The following CASS4 variants were observed in gnomAD, a reference collection of about 807,000 sequenced individuals.
CASS4 encodes the protein Cas scaffold protein family member 4.
Under a neutral mutation model 54.2 loss-of-function variants are expected in CASS4, and 22 were observed. The ratio of observed to expected loss-of-function variants is 0.41; its 90% confidence interval spans 0.29 to 0.58. CASS4 has a LOEUF of 0.58. Among genes scored for constraint, CASS4 ranks in the 20% least tolerant of loss-of-function variants. CASS4 has a pLI of 0.36. For missense variants in CASS4, 854 were observed against 986.7 expected (o/e 0.87, Z 1.80); for synonymous variants, 409 against 391.5 (o/e 1.04, Z -0.53).
chr20:56,451,021 A>T (rs746052282), intron 4 of CASS4, among the ~76,000 whole-genome samples: 4 of 56,122 alleles, frequency 7.1e-5, no homozygotes, highest in Non-Finnish European at 1.2e-4. Flanking sequence ...TACAAAAATT[A>T]AAAAAAAAAA....
chr20:56,455,583 A>G (rs1981252380), intron 5 of CASS4, among the ~76,000 whole-genome samples: 1 of 152,152 alleles, frequency 6.6e-6, no homozygotes, highest in African/African-American at 2.4e-5. Flanking sequence ...TAGGCCTTAG[A>G]CTAGTGGTTC....
In CASS4 at chr20:56,459,180, A is replaced by G. The variant is rs899255244; in HGVS notation, c.*433A>G. 1.4e-4 allele frequency: 24 copies of G among 167,822 alleles called. No homozygotes were observed. Among genetic ancestry groups the G allele is most frequent in the Admixed American group, 1.4e-3 (24 of 17,490 alleles). The allele number at this position is 167,822 out of a possible 1,614,324, so 10.4% of individuals were successfully genotyped here. A position where few individuals can be genotyped will look rare whatever the true frequency, so the allele number is the denominator to read the frequency against. On this transcript the variant is annotated 3_prime_UTR_variant, in exon 6 of 6. Transcript: ENST00000679887. ...ATTCTCCCGCCTCAGCCTCCAGAGT[A>G]GCTGGTACTACAGGTGTGCGCCACC...
At position 56,412,337 on chromosome 20, in the gene CASS4, A is replaced by G. The variant is rs939434833; in HGVS notation, c.-122A>G. The G allele has an allele frequency of 7.6e-6, 8 of 1,052,126 alleles. No individual in the cohort carries two copies. In the African/African-American group the frequency reaches 1.1e-4, roughly 15 times the overall value. The allele number at this position is 1,052,126 out of a possible 1,614,324, so 65.2% of individuals were successfully genotyped here. On this transcript the variant is annotated 5_prime_UTR_variant, in exon 1 of 6. Transcript: ENST00000679887. The surrounding 1 kb of genome is among the most constrained non-coding windows in gnomAD (Gnocchi z 4.2). ...TTGATCGTTTCCCATGTGTTGTCAG[A>G]TAGCTCCATAGAATTCAGTTTCTGA...
Position 56,452,112 on chromosome 20 carries a change from T to C in CASS4, c.936T>C (p.Tyr312=). ...KKLSLPEIPS[Y]GFLVPRGTFP... ...TCAGCCTTCCAGAAATTCCTTCTTA[T>C]GGCTTTCTTGTACCCAGAGGCACAT... Residue 312 remains tyrosine, a synonymous_variant, in exon 5 of 6, where the codon TAT becomes TAC. Coordinates refer to ENST00000679887, the MANE Select transcript of CASS4 (RefSeq NM_020356.4). 6.2e-7 allele frequency: 1 copy of C among 1,614,224 alleles called. No homozygotes were observed. The highest frequency in any genetic ancestry group is 8.5e-7 in the Non-Finnish European group (1 of 1,180,048).
intron 3 of CASS4, among the ~76,000 whole-genome samples, chr20:56,447,736 C>A (rs1400235914): frequency 6.6e-6 from 1 of 152,240 alleles, no homozygotes; most frequent in East Asian, 1.9e-4. Context: ...TGAGCCATTC[C>A]TCCCTGGCTC....
chr20:56,413,626 T>G (rs1318974686), intron 1 of CASS4, among the ~76,000 whole-genome samples: 1 of 140,448 alleles, frequency 7.1e-6, no homozygotes, highest in African/African-American at 2.7e-5. Flanking sequence ...TGAGCTGAGA[T>G]TATACCACTG....
rs1184128139 is a variant in CASS4 at position 56,449,361 on chromosome 20, A to G, written c.562-1238A>G. 2.0e-5 allele frequency among the ~76,000 whole-genome samples: 3 copies of G among 152,188 alleles called. No individual in the cohort carries two copies. In the East Asian group the frequency reaches 5.8e-4, roughly 29 times the overall value. On this transcript the variant is annotated intron_variant, in intron 3 of 5. Transcript: ENST00000679887. ...ATTCTGCACAAACTATTGCAAGGACAGAAAACCAAACAACGCATGTTCTCA... is the reference window on the plus strand; with the variant it reads ...ATTCTGCACAAACTATTGCAAGGACGGAAAACCAAACAACGCATGTTCTCA...
At position 56,458,912 on chromosome 20, in the gene CASS4, T is replaced by C. The variant is rs1222031098; in HGVS notation, c.*165T>C. On this transcript the variant is annotated 3_prime_UTR_variant, in exon 6 of 6. Transcript: ENST00000679887. ...CAAGTGGCTAAGCAACCCCAGGGCATTGACTTACCCCGCAGGGGGTCAGGA... is the reference window on the plus strand; with the variant it reads ...CAAGTGGCTAAGCAACCCCAGGGCACTGACTTACCCCGCAGGGGGTCAGGA... 3.1e-6 allele frequency: 2 copies of C among 651,840 alleles called. No individual in the cohort carries two copies. Among genetic ancestry groups the C allele is most frequent in the East Asian group, 2.8e-5 (1 of 36,294 alleles). The allele number at this position is 651,840 out of a possible 1,614,324, so 40.4% of individuals were successfully genotyped here.
Position 56,459,441 on chromosome 20 carries a change from T to G in CASS4, c.*694T>G, listed in dbSNP as rs1436750253. 1 of 270,434 alleles carries G rather than the reference T, an allele frequency of 3.7e-6. No individual in the cohort carries two copies. The highest frequency in any genetic ancestry group is 4.0e-5 in the Admixed American group (1 of 25,136). The allele number at this position is 270,434 out of a possible 1,614,324, so 16.8% of individuals were successfully genotyped here. On this transcript the variant is annotated 3_prime_UTR_variant, in exon 6 of 6. Transcript: ENST00000679887. ...ATGTGCAATTCCTTATAGGGCTAGC[T>G]TGGTTCTTCTTCAATGTCTCCTTTT...
In CASS4 at chr20:56,412,409, G is replaced by C. The variant is rs1978917141; in HGVS notation, c.-50G>C. ...TGACATTGCACAATCTGCCTCTGAA[G>C]CTGGAGATACTAGCTGCAGAGCTCA... On this transcript the variant is annotated 5_prime_UTR_variant, in exon 1 of 6. Transcript: ENST00000679887. This position sits in a 1 kb window ranked among gnomAD's most constrained non-coding sequence, Gnocchi z 4.2. The C allele has an allele frequency of 6.2e-7, 1 of 1,602,322 alleles. No homozygotes were observed. Among genetic ancestry groups the C allele is most frequent in the Non-Finnish European group, 8.5e-7 (1 of 1,172,334 alleles).
intron 1 of CASS4, among the ~76,000 whole-genome samples, chr20:56,429,946 G>A (rs6069740): frequency 0.026 from 4,003 of 152,054 alleles, 74 homozygotes; most frequent in Non-Finnish European, 0.043. Context: ...ACAAGAGATG[G>A]AAACCCTGTA....
intron 5 of CASS4, among the ~76,000 whole-genome samples, chr20:56,454,351 G>T (rs1348239394): frequency 6.6e-6 from 1 of 152,210 alleles, no homozygotes; most frequent in Non-Finnish European, 1.5e-5. Flanking sequence ...CCCGACCTTT[G>T]TGTTCTGCTG....
intron 2 of CASS4, among the ~76,000 whole-genome samples, chr20:56,445,225 C>G (rs1980649824): frequency 6.6e-6 from 1 of 152,172 alleles, no homozygotes; most frequent in Non-Finnish European, 1.5e-5. Flanking sequence ...CACTCCACCT[C>G]TCCCTCCTCC....
chr20:56,437,491 G>T lies in CASS4; in HGVS notation c.364G>T (p.Gly122Trp). The change falls in exon 2 of 6, where the codon GGG (glycine) becomes TGG (tryptophan). Residue 122 changes from glycine to tryptophan, a missense_variant. By Grantham distance (184) the Gly-to-Trp change is radical (BLOSUM62 -2). Coordinates refer to ENST00000679887, the MANE Select transcript of CASS4 (RefSeq NM_020356.4). This position sits in a 1 kb window ranked among gnomAD's most constrained non-coding sequence, Gnocchi z 4.7. ...VYEQMRSWAE[G>W]PQPPTAQVYE... ...TGAGCAGATGAGGAGTTGGGCGGAG[G>T]GGCCCCAGCCCCCTACTGCCCAAGT... 1 of 1,610,364 alleles carries T rather than the reference G, an allele frequency of 6.2e-7. No individual in the cohort carries two copies. The highest frequency in any genetic ancestry group is 8.5e-7 in the Non-Finnish European group (1 of 1,178,106).
At chr20:56,450,733 A>C (rs1487829232) in intron 4 of CASS4, 54 bp downstream of exon 4, 1 of 1,557,712 alleles carries the variant, frequency 6.4e-7, no homozygotes, top group East Asian at 2.3e-5. Flanking sequence ...AAATCCTCTC[A>C]GAAATGTTAT....
In CASS4 at chr20:56,452,593, G is replaced by A; in HGVS notation, c.1417G>A (p.Glu473Lys). The change falls in exon 5 of 6, where the codon GAG (glutamate) becomes AAG (lysine). Residue 473 changes from glutamate to lysine, a missense_variant. Physicochemically the swap from Glu to Lys is moderately conservative, Grantham distance 56. Coordinates refer to ENST00000679887, the MANE Select transcript of CASS4 (RefSeq NM_020356.4). ...SRKWRFRDYLEANIDAIHRST... is the reference protein window; with the variant it reads ...SRKWRFRDYLKANIDAIHRST... The stretch of plus-strand genomic sequence containing the variant: ...GAAGTGGAGATTCCGAGACTATCTG[G>A]AGGCCAACATTGATGCAATCCACAG... The A allele has an allele frequency of 6.2e-7, 1 of 1,614,130 alleles. No homozygotes were observed. The highest frequency in any genetic ancestry group is 8.5e-7 in the Non-Finnish European group (1 of 1,180,022).
chr20:56,444,288 C>T (rs1413370803), intron 2 of CASS4, among the ~76,000 whole-genome samples: 1 of 152,128 alleles, frequency 6.6e-6, no homozygotes, highest in Admixed American at 6.5e-5. Context: ...GCGTTCCCCT[C>T]CCTCAGCTCT....
intron 1 of CASS4, among the ~76,000 whole-genome samples, chr20:56,428,757 G>A (rs570990480): frequency 1.6e-4 from 25 of 152,314 alleles, no homozygotes; most frequent in Non-Finnish European, 2.8e-4. Context: ...TGGAAAGGCC[G>A]TGCAGAGTAT....
Position 56,430,139 on chromosome 20 carries a change from A to G in CASS4, c.37-7025A>G, listed in dbSNP as rs1979836842. 6.6e-6 allele frequency among the ~76,000 whole-genome samples: 1 copy of G among 152,224 alleles called. No homozygotes were observed. Among genetic ancestry groups the G allele is most frequent in the African/African-American group, 2.4e-5 (1 of 41,462 alleles). ...TTGCTCCCCAGATTTCTCCAAGTGC[A>G]GCTAAGACCACTGTATCCTTGGCTG... On this transcript the variant is annotated intron_variant, in intron 1 of 5. Coordinates refer to ENST00000679887, the MANE Select transcript of CASS4 (RefSeq NM_020356.4). This position sits in a 1 kb window ranked among gnomAD's most constrained non-coding sequence, Gnocchi z 4.2.
Sources: gnomAD v4.1 joint callset for allele counts (sites outside exome capture counted in the v4.1 genomes callset) on GRCh38, gnomAD v4.1.1 for gene constraint, Gnocchi (gnomAD v3.1) non-coding constraint, MANE v1.5 for transcripts, NCBI Gene and HGNC (gene_info 2026-07-23, HGNC 2026-07-21) for gene names.